Variants in EVI5 observed in about 807,000 individuals in gnomAD.
EVI5 encodes the protein ecotropic viral integration site 5 protein homolog.
A neutral mutation model predicts 112.0 loss-of-function variants in EVI5; 73 were observed. The ratio of observed to expected loss-of-function variants is 0.65; its 90% confidence interval spans 0.54 to 0.79. The LOEUF (loss-of-function observed/expected upper bound fraction) is 0.79, where lower values mean the gene tolerates loss of function less well. Ranked by LOEUF, EVI5 falls within the 30% of genes least tolerant of loss-of-function variation. EVI5 has a pLI of 0.00. For synonymous variants in EVI5, 305 were observed against 319.9 expected, an observed-to-expected ratio of 0.95 and a Z score of 0.50; for missense variants, 900 against 968.8, an observed-to-expected ratio of 0.93 and a Z score of 0.94.
intron 2 of EVI5, among the ~76,000 whole-genome samples, chr1:92,717,150 T>G (rs1384969440): frequency 6.6e-6 from 1 of 152,162 alleles, no homozygotes; most frequent in African/African-American, 2.4e-5. Context: ...CAAGTTTCAA[T>G]AGCTGATTTG....
At chr1:92,684,941 T>C (rs560155693) in intron 9 of EVI5, among the ~76,000 whole-genome samples, 17 of 151,932 alleles carry the variant, frequency 1.1e-4, no homozygotes, top group Admixed American at 2.0e-4. Context: ...CTTAGACTCC[T>C]ACACAATAAT....
intron 16 of EVI5, among the ~76,000 whole-genome samples, chr1:92,613,186 C>T (rs145753807): frequency 1.7e-3 from 263 of 152,318 alleles, no homozygotes; most frequent in African/African-American, 6.0e-3. Flanking sequence ...AGGGGCAGAA[C>T]TGCGTTTTGT....
rs920443761 is a variant in EVI5 at position 92,675,066 on chromosome 1, G to A, written c.1158+2092C>T. Among the ~76,000 whole-genome samples, 3 of 152,212 alleles carry A rather than the reference G, an allele frequency of 2.0e-5. No homozygotes were observed. The East Asian group carries it at 5.8e-4, about 29-fold the overall frequency. On this transcript the variant is annotated intron_variant, in intron 10 of 19. Coordinates refer to ENST00000684568, the MANE Select transcript of EVI5 (RefSeq NM_001350197.2). ...GTATAGAAAATACTGCAAATGGCTGGGCGTGGTGGCTCATGCCTGTAATCC... is the reference window on the plus strand; with the variant it reads ...GTATAGAAAATACTGCAAATGGCTGAGCGTGGTGGCTCATGCCTGTAATCC...
chr1:92,654,303 A>C (rs1202942430), intron 13 of EVI5, among the ~76,000 whole-genome samples: 1 of 152,134 alleles, frequency 6.6e-6, no homozygotes, highest in Non-Finnish European at 1.5e-5. Flanking sequence ...ATCTGCTGAC[A>C]CAAGTGCACA....
At chr1:92,606,924 C>CACACACA (rs1557886813) in intron 17 of EVI5, among the ~76,000 whole-genome samples, 1,561 of 91,464 alleles carry the variant, frequency 0.017, 34 homozygotes, top group African/African-American at 0.044. Context: ...ACACACACAC[C>CACACACA]CCCCCAAACC....
intron 1 of EVI5, among the ~76,000 whole-genome samples, chr1:92,776,504 T>G (rs1180552664): frequency 1.3e-5 from 2 of 152,220 alleles, no homozygotes; most frequent in African/African-American, 4.8e-5. Flanking sequence ...TCCACAACTT[T>G]ATTAATCTTT....
chr1:92,590,906 G>A (rs1228830288), intron 18 of EVI5, among the ~76,000 whole-genome samples: 1 of 152,224 alleles, frequency 6.6e-6, no homozygotes, highest in East Asian at 1.9e-4. Context: ...TAGACTAACA[G>A]CTGATCTCTC....
In EVI5 at chr1:92,648,344, T is replaced by C. The variant is rs192063541; in HGVS notation, c.1393-12008A>G. On this transcript the variant is annotated intron_variant, in intron 13 of 19. Coordinates refer to ENST00000684568, the MANE Select transcript of EVI5 (RefSeq NM_001350197.2). ...GCAGAGATCACACCACCGCACTCCA[T>C]CCTGGGCAACAGAGCGAGACTCAGT... Among the ~76,000 whole-genome samples the C allele has an allele frequency of 1.8e-3, 274 of 149,840 alleles. 4 individuals are homozygous for C. Among genetic ancestry groups the C allele is most frequent in the Admixed American group, 0.015 (233 of 15,054 alleles).
chr1:92,539,710 T>C (rs1664501854), intron 19 of EVI5, among the ~76,000 whole-genome samples: 1 of 152,196 alleles, frequency 6.6e-6, no homozygotes, highest in Non-Finnish European at 1.5e-5. Flanking sequence ...CCTTGAGATA[T>C]AACTTGCCTT....
Position 92,704,548 on chromosome 1 carries a change from T to C in EVI5, c.339+7A>G, listed in dbSNP as rs1286417341. On this transcript the variant is annotated splice_region_variant and intron_variant, in intron 3 of 19. Coordinates refer to ENST00000684568, the MANE Select transcript of EVI5 (RefSeq NM_001350197.2). The stretch of plus-strand genomic sequence containing the variant: ...AGAATAAGAACTTCAACAAAGAACA[T>C]GAATACCTTAACTTGCTTTTCCTTC... 37 of 1,539,326 alleles carry C rather than the reference T, an allele frequency of 2.4e-5. No individual in the cohort carries two copies. Among genetic ancestry groups the C allele is most frequent in the African/African-American group, 4.1e-5 (3 of 72,376 alleles).
chr1:92,597,312 A>G (rs7550072), intron 18 of EVI5, among the ~76,000 whole-genome samples: 82 of 152,352 alleles, frequency 5.4e-4, no homozygotes, highest in African/African-American at 1.9e-3. Context: ...AGACTGAGAC[A>G]TTCAAACAGA....
At chr1:92,787,972 G>GAA (rs1415427394), upstream of EVI5, among the ~76,000 whole-genome samples, 1 of 25,150 alleles carries the variant, frequency 4.0e-5, no homozygotes, top group African/African-American at 1.5e-4. Context: ...TGAAATTCTA[G>GAA]AAAAGAAAAT....
intron 19 of EVI5, among the ~76,000 whole-genome samples, chr1:92,542,668 G>T (rs966301066): frequency 2.0e-5 from 3 of 152,128 alleles, no homozygotes; most frequent in South Asian, 2.1e-4. Context: ...GTACTTTTAT[G>T]TAATGGAGCC....
intron 9 of EVI5, among the ~76,000 whole-genome samples, chr1:92,687,751 G>A (rs1558074588): frequency 6.6e-6 from 1 of 152,172 alleles, no homozygotes; most frequent in Non-Finnish European, 1.5e-5. Context: ...CTTCTCAAAA[G>A]AAGACATTTA....
At chr1:92,626,476 C>T (rs926140494) in intron 14 of EVI5, among the ~76,000 whole-genome samples, 2 of 152,104 alleles carry the variant, frequency 1.3e-5, no homozygotes, top group African/African-American at 2.4e-5. Flanking sequence ...TATAATGTTG[C>T]TATGAACATT....
chr1:92,599,724 C>A (rs1365549837), intron 18 of EVI5, among the ~76,000 whole-genome samples: 1 of 152,036 alleles, frequency 6.6e-6, no homozygotes, highest in Non-Finnish European at 1.5e-5. Flanking sequence ...TAGGAAGATG[C>A]AGCAACATGC....
chr1:92,591,423 C>A (rs1452362762), intron 18 of EVI5, among the ~76,000 whole-genome samples: 1 of 151,990 alleles, frequency 6.6e-6, no homozygotes, highest in Non-Finnish European at 1.5e-5. Context: ...GAAGATCTAC[C>A]AAGCAAATGG....
rs1374770455 is a variant in EVI5, at chr1:92,607,231, A to AG, written c.1974+349dup. ...AATAAGATACCAATCAAAGCAGAGG[A>AG]GCCCTAACCTCTCTAAATGACCCAT... On this transcript the variant is annotated intron_variant, in intron 17 of 19. Coordinates refer to ENST00000684568, the MANE Select transcript of EVI5 (RefSeq NM_001350197.2). Among the ~76,000 whole-genome samples the AG allele has an allele frequency of 4.3e-4, 66 of 152,328 alleles. 1 individual carries two copies. The highest frequency in any genetic ancestry group is 1.5e-3 in the African/African-American group (61 of 41,584).
chr1:92,646,205 T>G (rs1221460078), intron 13 of EVI5, among the ~76,000 whole-genome samples: 1 of 152,240 alleles, frequency 6.6e-6, no homozygotes, highest in Non-Finnish European at 1.5e-5. Flanking sequence ...TTAACACTAT[T>G]TAACTTCAAA....
Sources: gnomAD v4.1 joint callset for allele counts (sites outside exome capture counted in the v4.1 genomes callset) on GRCh38, gnomAD v4.1.1 for gene constraint, MANE v1.5 for transcripts, NCBI Gene and HGNC (gene_info 2026-07-23, HGNC 2026-07-21) for gene names.